The following ACBD6 variants were observed in gnomAD, a reference collection of about 807,000 sequenced individuals.
The protein encoded by ACBD6 is acyl-CoA binding domain containing 6.
ACBD6 carries 28 observed loss-of-function variants against 37.2 expected under a neutral mutation model. That is an observed-to-expected ratio of 0.75 (90% CI 0.56 to 1.03). The LOEUF is 1.03. Ranked by LOEUF, ACBD6 falls within the 50% of genes least tolerant of loss-of-function variation. The probability of loss-of-function intolerance (pLI) is 0.00; values close to 1 mark genes in which losing one functional copy is unlikely to be tolerated. For synonymous variants in ACBD6, 113 were observed against 126.8 expected (o/e 0.89, Z 0.73); for missense variants, 340 against 337.4 (o/e 1.01, Z -0.06).
intron 3 of ACBD6, among the ~76,000 whole-genome samples, chr1:180,478,653 T>C (rs1228230619): frequency 6.6e-6 from 1 of 152,124 alleles, no homozygotes; most frequent in Admixed American, 6.5e-5. Flanking sequence ...CTGGCTAATT[T>C]TTGTATTTTT....
chr1:180,415,057 A>G (rs940486568), intron 4 of ACBD6, among the ~76,000 whole-genome samples: 7 of 151,978 alleles, frequency 4.6e-5, no homozygotes, highest in African/African-American at 1.7e-4. Flanking sequence ...AGCCTGGGCA[A>G]CAGAGCGAGA....
intron 6 of ACBD6, among the ~76,000 whole-genome samples, chr1:180,341,912 C>A (rs1651998048): frequency 6.6e-6 from 1 of 152,012 alleles, no homozygotes; most frequent in African/African-American, 2.4e-5. Context: ...AAAAACTCAT[C>A]AAACCGACTA....
intron 3 of ACBD6, among the ~76,000 whole-genome samples, chr1:180,470,607 T>A (rs1013461613): frequency 1.3e-5 from 2 of 152,230 alleles, no homozygotes; most frequent in African/African-American, 2.4e-5. Flanking sequence ...TATATTACAA[T>A]ATTTCAAACA....
At chr1:180,385,359 A>C (rs1292947372) in intron 6 of ACBD6, among the ~76,000 whole-genome samples, 6 of 150,096 alleles carry the variant, frequency 4.0e-5, no homozygotes, top group Non-Finnish European at 5.9e-5. Context: ...AATGTAAATG[A>C]ATTAAACACT....
At chr1:180,435,499 C>T (rs1648998269) in intron 3 of ACBD6, 3 of 588,362 alleles carry the variant, frequency 5.1e-6, no homozygotes, top group Middle Eastern at 4.8e-4. Flanking sequence ...GATCCGCCCG[C>T]CTTGGCCTCC....
At chr1:180,317,434 A>G (rs1650855788) in intron 6 of ACBD6, among the ~76,000 whole-genome samples, 1 of 152,194 alleles carries the variant, frequency 6.6e-6, no homozygotes, top group African/African-American at 2.4e-5. Context: ...AGTGGTGATA[A>G]CTGCACAATA....
chr1:180,274,358 T>C (rs1337645636), intron 10 of ACBD6: 1 of 1,614,184 alleles, frequency 6.2e-7, no homozygotes, highest in Admixed American at 1.7e-5. Context: ...ATCCTCCATA[T>C]CGTCCCTGCC....
rs1411273614 is a variant in ACBD6 at position 180,495,444 on chromosome 1, T to A, written c.287+17A>T. On this transcript the variant is annotated intron_variant, in intron 2 of 7. Transcript: ENST00000367595. ...CCATTTCCAACAACCTCATTAAAGA[T>A]TCCAGGAATTTCTTACCATTTTTGC... 6.3e-7 allele frequency: 1 copy of A among 1,578,378 alleles called. No homozygotes were observed.
At chr1:180,379,489 A>G (rs1653561739) in intron 6 of ACBD6, among the ~76,000 whole-genome samples, 1 of 152,224 alleles carries the variant, frequency 6.6e-6, no homozygotes, top group Non-Finnish European at 1.5e-5. Flanking sequence ...AATTCTGAAA[A>G]ACAACACACA....
At chr1:180,316,164 T>C (rs954669739) in intron 6 of ACBD6, among the ~76,000 whole-genome samples, 5 of 152,110 alleles carry the variant, frequency 3.3e-5, no homozygotes, top group African/African-American at 1.2e-4. Flanking sequence ...GTGATTCTTA[T>C]GCAGGGCAGC....
At chr1:180,364,735 TC>T (rs1352191468) in intron 6 of ACBD6, among the ~76,000 whole-genome samples, 2 of 37,780 alleles carry the variant, frequency 5.3e-5, no homozygotes, top group East Asian at 8.8e-4. Context: ...TTCCTTTCTA[TC>T]TTTTTTTTTT....
chr1:180,464,290 C>T (rs1350166430), intron 3 of ACBD6, among the ~76,000 whole-genome samples: 1 of 152,136 alleles, frequency 6.6e-6, no homozygotes, highest in Admixed American at 6.5e-5. Context: ...TAGAAAACCC[C>T]ATAGTCTCGG....
intron 6 of ACBD6, among the ~76,000 whole-genome samples, chr1:180,331,657 A>C (rs1033671396): frequency 6.6e-6 from 1 of 152,224 alleles, no homozygotes; most frequent in East Asian, 1.9e-4. Context: ...TGATAGAATA[A>C]TACTAAAACA....
chr1:180,421,590 T>C (rs1199037094), intron 4 of ACBD6, among the ~76,000 whole-genome samples: 2 of 152,222 alleles, frequency 1.3e-5, no homozygotes, highest in Admixed American at 1.3e-4. Context: ...TCTTCCACAA[T>C]GGTTGAACCA....
downstream of ACBD6, chr1:180,288,081 C>T: frequency 2.6e-6 from 1 of 379,948 alleles, no homozygotes; most frequent in Non-Finnish European, 4.9e-6. Context: ...TATGATCTGT[C>T]TCCTCTTCTG....
intron 3 of ACBD6, among the ~76,000 whole-genome samples, chr1:180,458,807 G>T (rs1170302131): frequency 6.6e-6 from 1 of 152,046 alleles, no homozygotes; most frequent in African/African-American, 2.4e-5. Flanking sequence ...GACCTTCAAA[G>T]AACTAAAAAC....
At chr1:180,473,240 G>A (rs1650638739) in intron 3 of ACBD6, among the ~76,000 whole-genome samples, 1 of 152,076 alleles carries the variant, frequency 6.6e-6, no homozygotes, top group African/African-American at 2.4e-5. Flanking sequence ...GAGGTCAGGA[G>A]ATCGAGACCA....
At chr1:180,456,682 T>C (rs1649936806) in intron 3 of ACBD6, among the ~76,000 whole-genome samples, 1 of 152,174 alleles carries the variant, frequency 6.6e-6, no homozygotes. Flanking sequence ...CTATGAAGAA[T>C]ATCAGAAAAA....
chr1:180,307,601 A>G (rs1481849959), intron 7 of ACBD6, among the ~76,000 whole-genome samples: 15 of 152,218 alleles, frequency 9.9e-5, no homozygotes, highest in Admixed American at 9.8e-4. Flanking sequence ...GGATCCCTGT[A>G]TCAAAGTATC....
Sources: allele counts gnomAD v4.1 joint callset (sites outside exome capture counted in the v4.1 genomes callset), GRCh38; gene constraint gnomAD v4.1.1; transcripts MANE v1.5; gene names NCBI Gene and HGNC (gene_info 2026-07-23, HGNC 2026-07-21).